CCSER1: variants seen among roughly 807,000 people sequenced by gnomAD.
The protein encoded by CCSER1 is coiled-coil serine rich protein 1.
CCSER1 carries 41 observed loss-of-function variants against 82.0 expected under a neutral mutation model. The ratio of observed to expected loss-of-function variants is 0.50; its 90% CI spans 0.39 to 0.65. The LOEUF (loss-of-function observed/expected upper bound fraction) is 0.65, where lower values mean the gene tolerates loss of function less well. Among genes scored for constraint, CCSER1 ranks in the 30% least tolerant of loss-of-function variants. The probability of loss-of-function intolerance (pLI) is 0.00; values close to 1 mark genes in which losing one functional copy is unlikely to be tolerated. For missense variants in CCSER1, 1,119 were observed against 1,064.2 expected (o/e 1.05, Z -0.72); for synonymous variants, 414 against 383.9 (o/e 1.08, Z -0.92).
chr4:91,228,175 T>C (rs2149110699), intron 10 of CCSER1, among the ~76,000 whole-genome samples: 1 of 152,222 alleles, frequency 6.6e-6, no homozygotes, highest in East Asian at 1.9e-4. Context: ...CCGACAATTG[T>C]CATGATTTGA....
At chr4:90,486,229 T>A (rs1367372920) in intron 5 of CCSER1, among the ~76,000 whole-genome samples, 1 of 152,238 alleles carries the variant, frequency 6.6e-6, no homozygotes, top group Non-Finnish European at 1.5e-5. Flanking sequence ...TTGCATCTTT[T>A]CCCAATATTC....
At chr4:91,377,236 A>T (rs1254093365) in intron 10 of CCSER1, among the ~76,000 whole-genome samples, 1 of 152,140 alleles carries the variant, frequency 6.6e-6, no homozygotes, top group Non-Finnish European at 1.5e-5. Context: ...TTATAGCAGG[A>T]TGACTTATAA....
At chr4:90,896,862 C>T (rs780786772) in intron 8 of CCSER1, among the ~76,000 whole-genome samples, 5 of 151,628 alleles carry the variant, frequency 3.3e-5, no homozygotes, top group Non-Finnish European at 7.4e-5. Context: ...TAGAGATATG[C>T]AAAAAATGTT....
chr4:90,691,517 G>A (rs1366763164), intron 6 of CCSER1, among the ~76,000 whole-genome samples: 1 of 150,890 alleles, frequency 6.6e-6, no homozygotes, highest in African/African-American at 2.4e-5. Flanking sequence ...TATATTACAT[G>A]TGTACATATC....
At chr4:91,572,849 T>C (rs1267065362) in intron 10 of CCSER1, among the ~76,000 whole-genome samples, 1 of 150,458 alleles carries the variant, frequency 6.6e-6, no homozygotes, top group Non-Finnish European at 1.5e-5. Flanking sequence ...CATTTCTTGG[T>C]AGAGCAGCTG....
In CCSER1 at chr4:90,464,005, G is replaced by A. The variant is rs961078231; in HGVS notation, c.1604-4229G>A. ...GATGTAGTCAAACTGGAGAAAAGGAGTAATTTAAAATTTTAGTGTTTAAAT... is the reference window on the plus strand; with the variant it reads ...GATGTAGTCAAACTGGAGAAAAGGAATAATTTAAAATTTTAGTGTTTAAAT... On this transcript the variant is annotated intron_variant, in intron 4 of 10. Transcript: ENST00000509176. Among the ~76,000 whole-genome samples, 4 of 152,218 alleles carry A rather than the reference G, an allele frequency of 2.6e-5. No homozygotes were observed. In the South Asian group the frequency reaches 6.2e-4, roughly 24 times the overall value.
At chr4:90,553,549 G>A (rs1247667431) in intron 5 of CCSER1, among the ~76,000 whole-genome samples, 2 of 152,120 alleles carry the variant, frequency 1.3e-5, no homozygotes. Context: ...GTATCTCAAG[G>A]TGATCACGCC....
intron 9 of CCSER1, among the ~76,000 whole-genome samples, chr4:91,006,606 C>T (rs1489339422): frequency 6.6e-6 from 1 of 151,926 alleles, no homozygotes; most frequent in African/African-American, 2.4e-5. Flanking sequence ...TCTCCTGCCT[C>T]AGCCTCCCGA....
At chr4:91,394,326 T>A (rs1474982941) in intron 10 of CCSER1, among the ~76,000 whole-genome samples, 1 of 152,138 alleles carries the variant, frequency 6.6e-6, no homozygotes, top group East Asian at 1.9e-4. Flanking sequence ...TTATTTTTAA[T>A]ATCTCAATAT....
rs187610655 is a variant in CCSER1 at position 91,405,041 on chromosome 4, T to C, written c.2218-193531T>C. 9.8e-5 allele frequency among the ~76,000 whole-genome samples: 15 copies of C among 152,352 alleles called. No individual in the cohort carries two copies. The East Asian group carries it at 2.7e-3, about 27-fold the overall frequency. ...TTGTGTGGGAGTGTAAGTCTCTTTG[T>C]AGGTCTCTAAGGACTTGGCTTATGA... On this transcript the variant is annotated intron_variant, in intron 10 of 10. Coordinates refer to ENST00000509176, the MANE Select transcript of CCSER1 (RefSeq NM_001145065.2).
chr4:90,452,236 G>A (rs1302647716), intron 4 of CCSER1, among the ~76,000 whole-genome samples: 1 of 152,050 alleles, frequency 6.6e-6, no homozygotes, highest in Non-Finnish European at 1.5e-5. Flanking sequence ...GGCTGCATAG[G>A]TTTGCACTAC....
intron 1 of CCSER1, among the ~76,000 whole-genome samples, chr4:90,162,795 G>GCA (rs1252083689): frequency 6.6e-6 from 1 of 151,978 alleles, no homozygotes; most frequent in Non-Finnish European, 1.5e-5. Context: ...ATAGCCTTGT[G>GCA]GGATTCTTAT....
At chr4:90,653,388 A>G (rs1034801963) in intron 6 of CCSER1, among the ~76,000 whole-genome samples, 6 of 152,124 alleles carry the variant, frequency 3.9e-5, no homozygotes, top group Non-Finnish European at 8.8e-5. Flanking sequence ...TCCTTCATAT[A>G]TCTGTGCCAA....
At chr4:91,515,959 G>C (rs1371911883) in intron 10 of CCSER1, among the ~76,000 whole-genome samples, 1 of 150,100 alleles carries the variant, frequency 6.7e-6, no homozygotes, top group Non-Finnish European at 1.5e-5. Flanking sequence ...CAAATGATTA[G>C]TGATGTTGAG....
chr4:91,213,966 G>C (rs1431947128), intron 10 of CCSER1, among the ~76,000 whole-genome samples: 2 of 152,100 alleles, frequency 1.3e-5, no homozygotes, highest in Non-Finnish European at 2.9e-5. Context: ...GACAAGTTTT[G>C]TCTGTTTGGG....
intron 5 of CCSER1, among the ~76,000 whole-genome samples, chr4:90,524,594 G>A (rs912323232): frequency 1.3e-5 from 2 of 151,946 alleles, no homozygotes; most frequent in African/African-American, 4.8e-5. Flanking sequence ...TCAACCTCCC[G>A]AGTAGCTGGG....
At chr4:90,781,708 AT>A in intron 7 of CCSER1, 1 of 970,732 alleles carries the variant, frequency 1.0e-6, no homozygotes, top group Non-Finnish European at 1.2e-6. Flanking sequence ...AATATCTGCA[AT>A]TTTCCCAGTT....
intron 3 of CCSER1, among the ~76,000 whole-genome samples, chr4:90,376,396 A>G (rs766595086): frequency 2.0e-5 from 3 of 152,222 alleles, no homozygotes; most frequent in Non-Finnish European, 4.4e-5. Flanking sequence ...TGGCAGACAT[A>G]GAAGATAGAT....
chr4:90,810,893 C>T (rs111446743), intron 7 of CCSER1, among the ~76,000 whole-genome samples: 10,020 of 133,680 alleles, frequency 0.075, 1,136 homozygotes, highest in African/African-American at 0.25. Flanking sequence ...AGTGCAGTGG[C>T]GCGATCTCGG....
Sources: allele counts gnomAD v4.1 joint callset (sites outside exome capture counted in the v4.1 genomes callset), GRCh38; gene constraint gnomAD v4.1.1; transcripts MANE v1.5; gene names NCBI Gene and HGNC (gene_info 2026-07-23, HGNC 2026-07-21).